HAUS6: variants seen among roughly 807,000 people sequenced by gnomAD.
HAUS6 encodes HAUS augmin-like complex subunit 6.
HAUS6 carries 80 observed loss-of-function variants against 106.8 expected under a neutral mutation model. The ratio of observed to expected loss-of-function variants is 0.75; its 90% CI spans 0.63 to 0.90. HAUS6 has a LOEUF of 0.90. Among genes scored for constraint, HAUS6 ranks in the 40% least tolerant of loss-of-function variants. HAUS6 has a pLI of 0.00. For synonymous variants in HAUS6, 356 were observed against 379.1 expected, an observed-to-expected ratio of 0.94 and a Z score of 0.71; for missense variants, 1,155 against 1,118.1, an observed-to-expected ratio of 1.03 and a Z score of -0.47.
rs1168805493 is a variant in HAUS6 at position 19,095,387 on chromosome 9, G to A, written c.225-992C>T. On this transcript the variant is annotated intron_variant, in intron 2 of 16. Coordinates refer to ENST00000380502, the MANE Select transcript of HAUS6 (RefSeq NM_017645.5). ...ACTGAGCATGCATAGGAAACAAAAA[G>A]ACTAAAAGGCTAGAATGTCAACAGT... Among the ~76,000 whole-genome samples the A allele has an allele frequency of 2.0e-5, 3 of 151,150 alleles. 1 individual carries two copies. The highest frequency in any genetic ancestry group is 4.2e-4 in the South Asian group (2 of 4,808).
intron 4 of HAUS6, among the ~76,000 whole-genome samples, chr9:19,092,080 A>G (rs1200687028): frequency 6.6e-6 from 1 of 152,172 alleles, no homozygotes; most frequent in Non-Finnish European, 1.5e-5. Flanking sequence ...AACCTATCAG[A>G]CTGAAAAGAT....
chr9:19,090,274 A>G (rs182803453), intron 4 of HAUS6, among the ~76,000 whole-genome samples: 2 of 152,330 alleles, frequency 1.3e-5, no homozygotes, highest in East Asian at 1.9e-4. Flanking sequence ...ATAATTTGAG[A>G]TATCTAGAAA....
chr9:19,096,723 A>G lies in HAUS6; in HGVS notation c.175T>C (p.Tyr59His), dbSNP rs1817872821. The change falls in exon 2 of 17, where the codon TAT becomes CAT. Residue 59 changes from tyrosine to histidine, a missense_variant. By Grantham distance (83) the Tyr-to-His change is moderately conservative. This residue lies in a region of HAUS6 where 761 missense variants were observed against 690.0 expected (regional missense o/e 1.10). Transcript: ENST00000380502. ...TGGTCCAGAACTTGAAACAAAAAAT[A>G]AGAAATTATATGAAAGGCATCACGG... ...LNRDAFHIIS[Y>H]FLFQVLDQSL... 2 of 1,568,060 alleles carry G rather than the reference A, an allele frequency of 1.3e-6. No homozygotes were observed. The highest frequency in any genetic ancestry group is 1.2e-5 in the South Asian group (1 of 84,794).
chr9:19,084,635 CTTTTTTT>C (rs113235811), intron 7 of HAUS6, among the ~76,000 whole-genome samples: 32 of 138,834 alleles, frequency 2.3e-4, no homozygotes, highest in Non-Finnish European at 1.6e-4. Flanking sequence ...TTTCTTTTTT[CTTTTTTT>C]TTTTTTTTGA....
intron 14 of HAUS6, among the ~76,000 whole-genome samples, chr9:19,061,852 T>G (rs1479583241): frequency 6.6e-6 from 1 of 152,058 alleles, no homozygotes; most frequent in African/African-American, 2.4e-5. Context: ...AAAAGAAAAG[T>G]GTCTGACATC....
chr9:19,058,189 C>T lies in HAUS6; in HGVS notation c.2578G>A (p.Glu860Lys), dbSNP rs779630649. ...ESYLSNSQTPERHKPELSPTP... is the reference protein window; with the variant it reads ...ESYLSNSQTPKRHKPELSPTP... The stretch of plus-strand genomic sequence containing the variant: ...GGGCTCAATTCTGGTTTGTGTCTTT[C>T]GGGTGTTTGGGAATTCGAGAGGTAA... The change falls in exon 16 of 17, where the codon GAA becomes AAA. Residue 860 changes from glutamate to lysine, a missense_variant. Glu to Lys is a moderately conservative substitution (Grantham distance 56). This residue lies in a region of HAUS6 where 380 missense variants were observed against 394.8 expected (regional missense o/e 0.96). Transcript: ENST00000380502. 1.4e-5 allele frequency: 22 copies of T among 1,613,692 alleles called. No homozygotes were observed. Among genetic ancestry groups the T allele is most frequent in the Non-Finnish European group, 1.7e-5 (20 of 1,179,816 alleles).
intron 1 of HAUS6, among the ~76,000 whole-genome samples, chr9:19,102,250 G>C (rs976060307): frequency 6.6e-6 from 1 of 151,964 alleles, no homozygotes; most frequent in Middle Eastern, 3.2e-3. Context: ...CACCACATAG[G>C]CAGAGTTAAG....
chr9:19,068,701 G>T (rs1588603846), intron 12 of HAUS6, among the ~76,000 whole-genome samples: 1 of 143,030 alleles, frequency 7.0e-6, no homozygotes, highest in African/African-American at 2.9e-5. Context: ...ACCTATTTAG[G>T]TTAAAAAACA....
chr9:19,087,203 A>T (rs1293888890), intron 5 of HAUS6, 47 bp from the exon 6 acceptor site: 1 of 998,216 alleles, frequency 1.0e-6, no homozygotes, highest in East Asian at 2.4e-5. Context: ...ATTACGATTA[A>T]TTAGTATAGC....
chr9:19,064,217 T>C (rs1283197762), intron 12 of HAUS6, among the ~76,000 whole-genome samples: 2 of 152,178 alleles, frequency 1.3e-5, no homozygotes, highest in African/African-American at 2.4e-5. Flanking sequence ...TCCGCCCACC[T>C]TGGCCTCCCA....
intron 12 of HAUS6, among the ~76,000 whole-genome samples, chr9:19,067,631 G>C (rs1836789900): frequency 6.6e-6 from 1 of 152,140 alleles, no homozygotes; most frequent in South Asian, 2.1e-4. Context: ...CTTAGGGGTT[G>C]AGTTTCTGGC....
chr9:19,055,628 C>T lies in HAUS6; in HGVS notation c.*715G>A, dbSNP rs1836452951. 6.6e-6 allele frequency: 1 copy of T among 152,182 alleles called. No homozygotes were observed. Among genetic ancestry groups the T allele is most frequent in the Non-Finnish European group, 1.5e-5 (1 of 68,032 alleles). The allele number at this position is 152,182 out of a possible 1,614,324, so 9.4% of individuals were successfully genotyped here. A position where few individuals can be genotyped will look rare whatever the true frequency, so the allele number is the denominator to read the frequency against. ...TAGACTAAATATAAATGTTATACAA[C>T]CCACTGAATGGATTTATAGTTTGAC... On this transcript the variant is annotated 3_prime_UTR_variant, in exon 17 of 17. Coordinates refer to ENST00000380502, the MANE Select transcript of HAUS6 (RefSeq NM_017645.5).
In HAUS6 at chr9:19,093,298, T is replaced by C; in HGVS notation, c.309A>G (p.Glu103=). The C allele has an allele frequency of 6.2e-7, 1 of 1,601,168 alleles. No homozygotes were observed. The highest frequency in any genetic ancestry group is 8.5e-7 in the Non-Finnish European group (1 of 1,173,016). Residue 103 remains glutamate (E), a synonymous_variant, in exon 4 of 17, where the codon GAA becomes GAG. Coordinates refer to ENST00000380502, the MANE Select transcript of HAUS6 (RefSeq NM_017645.5). ...CCEWIKRISG[E]CGSSFPQVVG... ...CAACTTGAGGAAAGCTACTTCCACA[T>C]TCACCCTATGAAGAAAAGAAATAAG...
intron 5 of HAUS6, 30 bp from the exon 6 acceptor site, chr9:19,087,186 T>C (rs750341062): frequency 1.0e-5 from 12 of 1,190,478 alleles, no homozygotes; most frequent in Non-Finnish European, 1.5e-5. Context: ...ATGACAACTA[T>C]AATACCATTA....
intron 14 of HAUS6, among the ~76,000 whole-genome samples, chr9:19,061,090 G>C (rs1462111976): frequency 6.6e-6 from 1 of 152,238 alleles, no homozygotes; most frequent in African/African-American, 2.4e-5. Context: ...CTTGAACCCG[G>C]GAGGCGGAGG....
At position 19,072,095 on chromosome 9, in the gene HAUS6, T is replaced by C. The variant is rs147698382; in HGVS notation, c.1295-1795A>G. 3.0e-3 allele frequency among the ~76,000 whole-genome samples: 460 copies of C among 151,142 alleles called. 2 individuals carry two copies. The highest frequency in any genetic ancestry group is 0.011 in the African/African-American group (442 of 41,080). The stretch of plus-strand genomic sequence containing the variant: ...ATCCCAGCTACTTGGAAGCTTGAAC[T>C]AGGGGAAGCGCTTGAACCCAAGAGG... On this transcript the variant is annotated intron_variant, in intron 11 of 16. Transcript: ENST00000380502.
chr9:19,086,885 C>A, intron 6 of HAUS6, 103 bp from the exon 7 acceptor site: 3 of 640,218 alleles, frequency 4.7e-6, no homozygotes, highest in Non-Finnish European at 8.3e-6. Flanking sequence ...AACAACCACC[C>A]CAACAAAAAA....
At chr9:19,056,559 C>G (rs1017813062) in intron 16 of HAUS6, 155 bp from the exon 17 acceptor site, 20 of 570,728 alleles carry the variant, frequency 3.5e-5, no homozygotes, top group African/African-American at 2.3e-4. Flanking sequence ...ACCAAAGTAC[C>G]CTCTTTCTCC....
At chr9:19,063,409 A>T in intron 13 of HAUS6, 105 bp downstream of exon 13, 2 of 679,042 alleles carry the variant, frequency 2.9e-6, no homozygotes, top group Non-Finnish European at 4.9e-6. Flanking sequence ...AATAGTAGAA[A>T]ATGTGAAATT....
Sources: gnomAD v4.1 joint callset for allele counts (sites outside exome capture counted in the v4.1 genomes callset) on GRCh38, gnomAD v4.1.1 for gene constraint, gnomAD v4.1.1 regional missense constraint, MANE v1.5 for transcripts, NCBI Gene and HGNC (gene_info 2026-07-23, HGNC 2026-07-21) for gene names.